SNX9: variants seen among roughly 807,000 people sequenced by gnomAD.
SNX9 encodes the protein sorting nexin 9.
A neutral mutation model predicts 89.4 loss-of-function variants in SNX9; 44 were observed. That is an observed-to-expected ratio of 0.49 (90% confidence interval 0.39 to 0.63). The LOEUF (loss-of-function observed/expected upper bound fraction) is 0.63. Among genes scored for constraint, SNX9 ranks in the 30% least tolerant of loss-of-function variants. The probability of loss-of-function intolerance (pLI) is 0.00; values close to 1 mark genes in which losing one functional copy is unlikely to be tolerated. For synonymous variants in SNX9, 236 were observed against 247.8 expected (o/e 0.95, Z 0.45); for missense variants, 578 against 736.1 (o/e 0.79, Z 2.49).
intron 1 of SNX9, among the ~76,000 whole-genome samples, chr6:157,829,648 T>C (rs1270230491): frequency 6.6e-6 from 1 of 152,226 alleles, no homozygotes. Context: ...TTACAATTAG[T>C]ATTATTTTCT....
intron 1 of SNX9, among the ~76,000 whole-genome samples, chr6:157,855,806 G>A (rs144987892): frequency 4.6e-5 from 7 of 152,190 alleles, no homozygotes; most frequent in Non-Finnish European, 7.4e-5. Context: ...GCACAGTCTC[G>A]GCTCACTGCA....
chr6:157,888,802 A>C (rs774024231), intron 4 of SNX9, among the ~76,000 whole-genome samples: 1 of 152,154 alleles, frequency 6.6e-6, no homozygotes, highest in African/African-American at 2.4e-5. Context: ...GGGATGTGGA[A>C]TATGTAGGAA....
intron 16 of SNX9, among the ~76,000 whole-genome samples, chr6:157,939,350 G>A (rs1783989136): frequency 1.3e-5 from 2 of 152,198 alleles, no homozygotes; most frequent in Admixed American, 1.3e-4. Flanking sequence ...GAGGTTATTG[G>A]GAAATAAATT....
intron 1 of SNX9, among the ~76,000 whole-genome samples, chr6:157,855,956 C>T (rs9347706): frequency 0.13 from 19,148 of 152,148 alleles, 1,960 homozygotes; most frequent in African/African-American, 0.28. Flanking sequence ...ACCATGTTGG[C>T]CAGGCTGCTC....
chr6:157,862,638 T>G (rs1760551580), intron 1 of SNX9, among the ~76,000 whole-genome samples: 1 of 152,244 alleles, frequency 6.6e-6, no homozygotes, highest in South Asian at 2.1e-4. Context: ...CCTTAGCTTT[T>G]GCATTCTAAC....
chr6:157,826,684 G>T (rs1268608982), intron 1 of SNX9, among the ~76,000 whole-genome samples: 3 of 129,250 alleles, frequency 2.3e-5, no homozygotes, highest in Non-Finnish European at 4.5e-5. Flanking sequence ...TTTTAGTCTT[G>T]ACCTTTATTG....
At chr6:157,842,891 T>C (rs1163030154) in intron 1 of SNX9, among the ~76,000 whole-genome samples, 1 of 152,232 alleles carries the variant, frequency 6.6e-6, no homozygotes, top group African/African-American at 2.4e-5. Context: ...TTGTTAGTCC[T>C]GCAAAGGCAG....
intron 1 of SNX9, among the ~76,000 whole-genome samples, chr6:157,845,312 T>C (rs965629273): frequency 1.3e-5 from 2 of 152,066 alleles, no homozygotes; most frequent in East Asian, 1.9e-4. Context: ...CGTTTCACCA[T>C]GTTGGCCATG....
intron 10 of SNX9, among the ~76,000 whole-genome samples, chr6:157,925,029 C>G (rs530363672): frequency 3.3e-5 from 5 of 152,244 alleles, no homozygotes; most frequent in African/African-American, 1.2e-4. Context: ...AAAGACTATG[C>G]AGGAAGATGT....
chr6:157,907,602 G>A (rs1783244662), intron 7 of SNX9, among the ~76,000 whole-genome samples: 1 of 152,106 alleles, frequency 6.6e-6, no homozygotes, highest in South Asian at 2.1e-4. Flanking sequence ...ATTCTTAAAG[G>A]GGACTTTGTC....
At position 157,909,754 on chromosome 6, in the gene SNX9, T is replaced by A. The variant is rs147317728; in HGVS notation, c.795T>A (p.Gly265=). ...CCAGGAAAGGCTCCAAAATGTATGG[T>A]CTAAAGAGCTACATCGAATATCAGC... ...ADPRKGSKMY[G]LKSYIEYQLT... is the part of the protein sequence containing the mutation. The change falls in exon 8 of 18, where the codon GGT becomes GGA. Residue 265 remains glycine (G), a synonymous_variant. Transcript: ENST00000392185. 6.2e-7 allele frequency: 1 copy of A among 1,614,076 alleles called. No individual in the cohort carries two copies. Among genetic ancestry groups the A allele is most frequent in the African/African-American group, 1.3e-5 (1 of 74,930 alleles).
chr6:157,885,769 C>T (rs1361973516), intron 4 of SNX9, among the ~76,000 whole-genome samples: 3 of 152,078 alleles, frequency 2.0e-5, no homozygotes, highest in Non-Finnish European at 4.4e-5. Context: ...AAGTAGTTAG[C>T]CTGCGATTGG....
chr6:157,885,812 G>A (rs1782723930), intron 4 of SNX9, among the ~76,000 whole-genome samples: 1 of 152,140 alleles, frequency 6.6e-6, no homozygotes, highest in African/African-American at 2.4e-5. Flanking sequence ...TTACCAGATG[G>A]GATGATCTGT....
At chr6:157,856,059 T>C (rs962476298) in intron 1 of SNX9, among the ~76,000 whole-genome samples, 13 of 152,178 alleles carry the variant, frequency 8.5e-5, no homozygotes, top group African/African-American at 3.1e-4. Flanking sequence ...TGTCATTGAT[T>C]TTTATCTTGT....
intron 11 of SNX9, 121 bp downstream of exon 11, chr6:157,927,335 T>A (rs1783715228): frequency 4.6e-6 from 3 of 652,136 alleles, no homozygotes; most frequent in Non-Finnish European, 8.1e-6. Flanking sequence ...ATGAAATGAG[T>A]GGGATTTGTA....
chr6:157,936,081 TA>T lies in SNX9; in HGVS notation c.1443+42del, dbSNP rs748399868. 6.7e-6 allele frequency: 10 copies of T among 1,486,102 alleles called. No homozygotes were observed. The South Asian group carries it at 1.2e-4, about 18-fold the overall frequency. 92.1% of individuals were successfully genotyped at this position (1,486,102 alleles called of 1,614,324 possible). Reference sequence around the variant, plus strand: ...CACAATTCCAATTAAGATTTGTTGCTATCTAGTCCACATATTTAATTTAAAA... The same window carrying T: ...CACAATTCCAATTAAGATTTGTTGCTTCTAGTCCACATATTTAATTTAAAA... On this transcript the variant is annotated intron_variant, in intron 14 of 17. Coordinates refer to ENST00000392185, the MANE Select transcript of SNX9 (RefSeq NM_016224.5).
chr6:157,897,981 G>A (rs796837008), intron 5 of SNX9, among the ~76,000 whole-genome samples: 2 of 152,252 alleles, frequency 1.3e-5, no homozygotes, highest in Middle Eastern at 3.4e-3. Flanking sequence ...CCTACCACCC[G>A]GGAAATTCCA....
chr6:157,835,143 A>G (rs113287764), intron 1 of SNX9, among the ~76,000 whole-genome samples: 13,359 of 151,744 alleles, frequency 0.088, 765 homozygotes, highest in African/African-American at 0.16. Context: ...CTCCCAGGCA[A>G]CTGGGATTAC....
chr6:157,834,305 A>C (rs1285335434), intron 1 of SNX9, among the ~76,000 whole-genome samples: 1 of 149,754 alleles, frequency 6.7e-6, no homozygotes, highest in Non-Finnish European at 1.5e-5. Context: ...GTAAGCTGAC[A>C]CCACAAAGTG....
Sources: allele counts gnomAD v4.1 joint callset (sites outside exome capture counted in the v4.1 genomes callset), GRCh38; gene constraint gnomAD v4.1.1; transcripts MANE v1.5; gene names NCBI Gene and HGNC (gene_info 2026-07-23, HGNC 2026-07-21).